Variants in ANTXR1 observed in about 807,000 individuals in gnomAD.
The protein encoded by ANTXR1 is ANTXR cell adhesion molecule 1.
In ANTXR1, 19 loss-of-function variants were observed where a neutral mutation model predicts 78.1. The ratio of observed to expected loss-of-function variants is 0.24; its 90% CI spans 0.17 to 0.36. ANTXR1 has a LOEUF of 0.36. ANTXR1 is among the 10% of genes least tolerant of loss of function. The pLI is 1.00. For synonymous variants in ANTXR1, 273 were observed against 260.5 expected (o/e 1.05, Z -0.46); for missense variants, 518 against 718.6 (o/e 0.72, Z 3.19).
intron 6 of ANTXR1, 104 bp downstream of exon 6, chr2:69,073,205 A>T (rs573908971): frequency 1.1e-6 from 1 of 939,438 alleles, no homozygotes; most frequent in South Asian, 1.3e-5. Context: ...GTTCTTTGCA[A>T]ATCCCCTGAA....
At chr2:69,015,278 A>G (rs1214276888) in intron 1 of ANTXR1, among the ~76,000 whole-genome samples, 1 of 151,958 alleles carries the variant, frequency 6.6e-6, no homozygotes, top group African/African-American at 2.4e-5. Flanking sequence ...TTAGCAAAAA[A>G]AAAAAAAACA....
chr2:69,100,417 T>G (rs62133509), intron 9 of ANTXR1, among the ~76,000 whole-genome samples: 3,880 of 152,230 alleles, frequency 0.025, 58 homozygotes, highest in Non-Finnish European at 0.041. Flanking sequence ...CCCCCTGGCC[T>G]AGGGGGTTAA....
At chr2:69,153,249 A>T (rs1558604178) in intron 13 of ANTXR1, among the ~76,000 whole-genome samples, 2 of 152,196 alleles carry the variant, frequency 1.3e-5, no homozygotes, top group East Asian at 3.8e-4. Flanking sequence ...CTGAAACTTC[A>T]GCATTTAGCA....
intron 12 of ANTXR1, among the ~76,000 whole-genome samples, chr2:69,149,458 A>C (rs1274906004): frequency 6.6e-6 from 1 of 152,228 alleles, no homozygotes; most frequent in Non-Finnish European, 1.5e-5. Context: ...AAGTAAAAAA[A>C]TTCCCCCAAA....
At chr2:69,038,335 G>A (rs1225118992) in intron 1 of ANTXR1, among the ~76,000 whole-genome samples, 1 of 152,170 alleles carries the variant, frequency 6.6e-6, no homozygotes, top group Non-Finnish European at 1.5e-5. Context: ...TAATCTTCCT[G>A]CCTCTGGTTA....
intron 1 of ANTXR1, among the ~76,000 whole-genome samples, chr2:69,031,060 A>C (rs1018369249): frequency 2.0e-5 from 3 of 152,234 alleles, no homozygotes; most frequent in Non-Finnish European, 4.4e-5. Flanking sequence ...TACAAAAAGC[A>C]GAGTTGAGTA....
rs184801367 is a variant in ANTXR1 at position 69,075,635 on chromosome 2, G to C, written c.538G>C (p.Val180Leu). 1.2e-6 allele frequency: 2 copies of C among 1,614,126 alleles called. No individual in the cohort carries two copies. The highest frequency in any genetic ancestry group is 1.3e-5 in the African/African-American group (1 of 75,046). ...TGGTGCAATTGTTTACTGTGTTGGT[G>C]TGAAAGATTTCAATGAGACACAGGT... is the stretch of plus-strand genomic sequence containing the variant. ...DLGAIVYCVG[V>L]KDFNETQLAR... Residue 180 changes from valine (V) to leucine (L), a missense_variant, in exon 7 of 18, where the codon GTG (valine) becomes CTG (leucine). This residue lies in a region of ANTXR1 where 264 missense variants were observed against 391.8 expected (regional missense o/e 0.67). Transcript: ENST00000303714.
intron 8 of ANTXR1, among the ~76,000 whole-genome samples, chr2:69,089,000 T>C (rs1318985243): frequency 1.3e-5 from 2 of 152,150 alleles, no homozygotes; most frequent in African/African-American, 4.8e-5. Context: ...AGGGAGGAAC[T>C]GAGGCTGCAC....
In ANTXR1 at chr2:69,102,860, T is replaced by A; in HGVS notation, c.722T>A (p.Val241Glu). ...ICAGESFQVV[V>E]RGNGFRHARN... ...ATTTCAGAGTCATTTCAAGTTGTCG[T>A]GAGAGGAAACGGCTTCCGACATGCC... Residue 241 changes from valine (V) to glutamate (E), a missense_variant, in exon 10 of 18, where the codon GTG becomes GAG. Around this residue, in one of 5 missense-constraint regions of ANTXR1, gnomAD observed 264 missense variants for 391.8 expected, o/e 0.67. Transcript: ENST00000303714. 6.2e-7 allele frequency: 1 copy of A among 1,614,140 alleles called. No individual in the cohort carries two copies. Among genetic ancestry groups the A allele is most frequent in the Non-Finnish European group, 8.5e-7 (1 of 1,180,016 alleles).
At chr2:69,182,255 G>C (rs1368106147) in intron 15 of ANTXR1, among the ~76,000 whole-genome samples, 2 of 152,110 alleles carry the variant, frequency 1.3e-5, no homozygotes, top group African/African-American at 4.8e-5. Flanking sequence ...TGCATGTGCT[G>C]TCCCCGCTGC....
At position 69,246,547 on chromosome 2, in the gene ANTXR1, T is replaced by C. The variant is rs183113292; in HGVS notation, c.*1062T>C. On this transcript the variant is annotated 3_prime_UTR_variant, in exon 18 of 18. Coordinates refer to ENST00000303714, the MANE Select transcript of ANTXR1 (RefSeq NM_032208.3). ...TCTGGGCAGAGCTGAGAGACAATGG[T>C]CCTGACATAATAAGGATCTTTGATT... 9.9e-5 allele frequency: 15 copies of C among 152,278 alleles called. No individual in the cohort carries two copies. In the East Asian group the frequency reaches 2.7e-3, roughly 27 times the overall value. The allele number at this position is 152,278 out of a possible 1,614,324, so 9.4% of individuals were successfully genotyped here.
At chr2:69,015,149 C>T (rs1419030853) in intron 1 of ANTXR1, among the ~76,000 whole-genome samples, 1 of 150,446 alleles carries the variant, frequency 6.6e-6, no homozygotes. Context: ...GATATGGATA[C>T]TGTAGAGATA....
At chr2:69,097,271 A>G (rs1335153259) in intron 9 of ANTXR1, among the ~76,000 whole-genome samples, 1 of 152,162 alleles carries the variant, frequency 6.6e-6, no homozygotes, top group Non-Finnish European at 1.5e-5. Context: ...CAACTTGCCA[A>G]CTGCTCTACA....
At chr2:69,181,677 C>T (rs1274548833) in intron 14 of ANTXR1, 109 bp from the exon 15 acceptor site, 2 of 1,052,308 alleles carry the variant, frequency 1.9e-6, no homozygotes, top group African/African-American at 3.1e-5. Flanking sequence ...TGGGATTGCA[C>T]CCAGGCAGTC....
intron 3 of ANTXR1, among the ~76,000 whole-genome samples, chr2:69,053,444 T>C (rs187559746): frequency 6.6e-5 from 10 of 152,270 alleles, no homozygotes; most frequent in Non-Finnish European, 1.3e-4. Flanking sequence ...CCCTCATGCT[T>C]TTCTTCTTGT....
intron 10 of ANTXR1, among the ~76,000 whole-genome samples, chr2:69,105,357 GAGA>G (rs1671774989): frequency 6.6e-6 from 1 of 152,188 alleles, no homozygotes; most frequent in Admixed American, 6.5e-5. Flanking sequence ...ACTAAGTTTG[GAGA>G]AGATGAAGGC....
intron 12 of ANTXR1, among the ~76,000 whole-genome samples, chr2:69,139,929 C>T (rs565491991): frequency 1.4e-4 from 21 of 152,330 alleles, no homozygotes; most frequent in African/African-American, 4.6e-4. Context: ...TAAGTACCTT[C>T]TCTGTAATCC....
intron 1 of ANTXR1, among the ~76,000 whole-genome samples, chr2:69,036,493 T>G (rs1669429152): frequency 6.6e-6 from 1 of 152,226 alleles, no homozygotes; most frequent in Admixed American, 6.5e-5. Context: ...ATTTTTTTTG[T>G]ACCCATTAAC....
chr2:69,035,312 A>AC (rs1558736412), intron 1 of ANTXR1, among the ~76,000 whole-genome samples: 1 of 151,990 alleles, frequency 6.6e-6, no homozygotes, highest in African/African-American at 2.4e-5. Flanking sequence ...TATAAGCAGT[A>AC]CCCCCAACAA....
Sources: gnomAD v4.1 joint callset for allele counts (sites outside exome capture counted in the v4.1 genomes callset) on GRCh38, gnomAD v4.1.1 for gene constraint, gnomAD v4.1.1 regional missense constraint, MANE v1.5 for transcripts, NCBI Gene and HGNC (gene_info 2026-07-23, HGNC 2026-07-21) for gene names.